FBXW7: variants seen among roughly 807,000 people sequenced by gnomAD.
FBXW7 encodes the protein F-box/WD repeat-containing protein 7.
In FBXW7, 11 loss-of-function variants were observed where a neutral mutation model predicts 86.3. The ratio of observed to expected loss-of-function variants is 0.13; its 90% confidence interval spans 0.08 to 0.21. The LOEUF (loss-of-function observed/expected upper bound fraction) is 0.21, where lower values mean the gene tolerates loss of function less well. FBXW7 is among the 10% of genes least tolerant of loss of function. The pLI is 1.00. For missense variants in FBXW7, 488 were observed against 847.4 expected, an observed-to-expected ratio of 0.58 and a Z score of 5.27; for synonymous variants, 313 against 297.9, an observed-to-expected ratio of 1.05 and a Z score of -0.52.
chr4:152,467,895 T>C (rs554352141), intron 2 of FBXW7, among the ~76,000 whole-genome samples: 2 of 152,256 alleles, frequency 1.3e-5, no homozygotes, highest in African/African-American at 2.4e-5. Flanking sequence ...GAGAAAATAT[T>C]TGCAAATCAT....
chr4:152,424,908 T>C (rs1485825609), intron 2 of FBXW7, among the ~76,000 whole-genome samples: 1 of 152,240 alleles, frequency 6.6e-6, no homozygotes, highest in Non-Finnish European at 1.5e-5. Context: ...TGCAGATCAC[T>C]GGCTCTGCAG....
chr4:152,386,569 T>A (rs1028149461), intron 4 of FBXW7, among the ~76,000 whole-genome samples: 1 of 152,038 alleles, frequency 6.6e-6, no homozygotes, highest in Non-Finnish European at 1.5e-5. Flanking sequence ...CTATAATAAC[T>A]TTGGAAAAGA....
At chr4:152,355,219 C>T (rs1331916147) in intron 4 of FBXW7, among the ~76,000 whole-genome samples, 3 of 151,964 alleles carry the variant, frequency 2.0e-5, no homozygotes, top group Non-Finnish European at 4.4e-5. Flanking sequence ...TCTATTTATA[C>T]CACTCGGCTA....
At chr4:152,463,695 A>G (rs1033421109) in intron 2 of FBXW7, among the ~76,000 whole-genome samples, 1 of 152,226 alleles carries the variant, frequency 6.6e-6, no homozygotes, top group Admixed American at 6.5e-5. Context: ...GGTGCTAAGG[A>G]CCTGGCGACT....
chr4:152,508,204 G>C (rs1233990575), intron 2 of FBXW7, among the ~76,000 whole-genome samples: 1 of 151,994 alleles, frequency 6.6e-6, no homozygotes, highest in Non-Finnish European at 1.5e-5. Context: ...GATGATAATA[G>C]ATGAAATCCA....
intron 6 of FBXW7, among the ~76,000 whole-genome samples, chr4:152,343,273 C>T (rs1293957798): frequency 6.6e-6 from 1 of 152,120 alleles, no homozygotes; most frequent in Non-Finnish European, 1.5e-5. Context: ...TTCCATATCA[C>T]TTTATCTTTG....
At chr4:152,490,748 G>C (rs926161498) in intron 2 of FBXW7, among the ~76,000 whole-genome samples, 4 of 152,086 alleles carry the variant, frequency 2.6e-5, no homozygotes, top group African/African-American at 9.7e-5. Flanking sequence ...GTGTGTATCT[G>C]CATTAAGGAC....
intron 2 of FBXW7, among the ~76,000 whole-genome samples, chr4:152,508,047 G>C (rs969683167): frequency 1.3e-5 from 2 of 151,766 alleles, no homozygotes; most frequent in Non-Finnish European, 2.9e-5. Context: ...TCCAGCCTGA[G>C]TGACACAGCA....
At chr4:152,382,746 T>TA (rs918994538) in intron 4 of FBXW7, among the ~76,000 whole-genome samples, 1 of 151,832 alleles carries the variant, frequency 6.6e-6, no homozygotes, top group South Asian at 2.1e-4. Flanking sequence ...AAAAATAAAA[T>TA]AAAAAAAACA....
At chr4:152,347,181 T>G (rs923127422) in intron 5 of FBXW7, 110 bp from the exon 6 acceptor site, 1 of 908,368 alleles carries the variant, frequency 1.1e-6, no homozygotes, top group East Asian at 2.7e-5. Flanking sequence ...AATGATGATC[T>G]GGCATATTTC....
intron 4 of FBXW7, among the ~76,000 whole-genome samples, chr4:152,381,035 G>A (rs932149709): frequency 2.0e-5 from 3 of 151,924 alleles, no homozygotes; most frequent in African/African-American, 7.2e-5. Context: ...GTAACAAGAG[G>A]GTGCTGGGGA....
chr4:152,434,337 C>A (rs1359500993), intron 2 of FBXW7, among the ~76,000 whole-genome samples: 2 of 152,140 alleles, frequency 1.3e-5, no homozygotes, highest in African/African-American at 4.8e-5. Context: ...CAATTAACAT[C>A]AAAAAGAAGT....
intron 11 of FBXW7, 106 bp downstream of exon 11, chr4:152,328,102 T>C: frequency 3.4e-6 from 3 of 894,882 alleles, no homozygotes; most frequent in Non-Finnish European, 5.1e-6. Context: ...TAATTAAATC[T>C]AATTTAAGAG....
At chr4:152,407,215 A>C (rs1277310314) in intron 4 of FBXW7, among the ~76,000 whole-genome samples, 1 of 152,064 alleles carries the variant, frequency 6.6e-6, no homozygotes, top group Non-Finnish European at 1.5e-5. Flanking sequence ...CATCTCACCC[A>C]TTGTCCCCAT....
chr4:152,511,294 C>T (rs1579394175), intron 2 of FBXW7, among the ~76,000 whole-genome samples: 1 of 150,866 alleles, frequency 6.6e-6, no homozygotes, highest in Non-Finnish European at 1.5e-5. Flanking sequence ...AGCCCCCCGC[C>T]CCCCCCACCG....
In FBXW7 at chr4:152,322,929, A is replaced by T. The variant is rs368414979; in HGVS notation, c.2076T>A (p.Thr692=). 1.9e-6 allele frequency: 3 copies of T among 1,613,658 alleles called. No homozygotes were observed. The East Asian group carries it at 6.7e-5, about 36-fold the overall frequency. The change falls in exon 14 of 14, where the codon ACT becomes ACA. Residue 692 remains threonine (T), a synonymous_variant. Coordinates refer to ENST00000281708, the MANE Select transcript of FBXW7 (RefSeq NM_001349798.2). ...CCAGCACCAGCAGCTTGGTTTCTTC[A>T]GTCCCATTCCGACTCCCAACTGCAC... ...LVCAVGSRNG[T]EETKLLVLDF... is the part of the protein sequence containing the mutation.
At chr4:152,355,059 T>A (rs777680945) in intron 4 of FBXW7, among the ~76,000 whole-genome samples, 3 of 152,120 alleles carry the variant, frequency 2.0e-5, no homozygotes, top group Admixed American at 2.0e-4. Flanking sequence ...CAAGCAAAAC[T>A]AGTCAACTAA....
chr4:152,328,603 T>A (rs1029218955), intron 10 of FBXW7: 1 of 377,522 alleles, frequency 2.6e-6, no homozygotes, highest in Non-Finnish European at 4.7e-6. Flanking sequence ...CAATTGTGTA[T>A]GTAGTATGTA....
intron 2 of FBXW7, among the ~76,000 whole-genome samples, chr4:152,421,537 T>A (rs541428816): frequency 6.6e-6 from 1 of 152,254 alleles, no homozygotes; most frequent in Admixed American, 6.5e-5. Flanking sequence ...GTCTCTACTT[T>A]TTAAACATAC....
Sources: gnomAD v4.1 joint callset for allele counts (sites outside exome capture counted in the v4.1 genomes callset) on GRCh38, gnomAD v4.1.1 for gene constraint, MANE v1.5 for transcripts, NCBI Gene and HGNC (gene_info 2026-07-23, HGNC 2026-07-21) for gene names.